RAB11FIP3: variants seen among roughly 807,000 people sequenced by gnomAD.
The protein encoded by RAB11FIP3 is RAB11 family interacting protein 3, also known as rab11 family-interacting protein 3.
A neutral mutation model predicts 77.8 loss-of-function variants in RAB11FIP3; 17 were observed. The observed-to-expected ratio is 0.22, with a 90% CI of 0.15 to 0.33. The LOEUF (loss-of-function observed/expected upper bound fraction) is 0.33, where lower values mean the gene tolerates loss of function less well. RAB11FIP3 is among the 10% of genes least tolerant of loss of function. RAB11FIP3 has a pLI of 1.00. For missense variants in RAB11FIP3, 1,005 were observed against 1,011.2 expected (o/e 0.99, Z 0.08); for synonymous variants, 437 against 448.2 (o/e 0.98, Z 0.31).
chr16:497,205 G>C (rs1244587788), intron 6 of RAB11FIP3: 1 of 1,188,930 alleles, frequency 8.4e-7, no homozygotes, highest in Non-Finnish European at 1.1e-6. Flanking sequence ...GCTTCTCAGA[G>C]CCGGGTCTGG....
chr16:461,214 C>T lies in RAB11FIP3; in HGVS notation c.715-190C>T, dbSNP rs1478230008. 6.6e-6 allele frequency among the ~76,000 whole-genome samples: 1 copy of T among 152,164 alleles called. No individual in the cohort carries two copies. The highest frequency in any genetic ancestry group is 2.4e-5 in the African/African-American group (1 of 41,442). ...GGAGCACACAGTAGGCTTTGCGCTC[C>T]TGTGAGAAGAACCTGATGCTCCTGC... On this transcript the variant is annotated intron_variant, in intron 1 of 13. Transcript: ENST00000262305. This position sits in a 1 kb window ranked among gnomAD's most constrained non-coding sequence, Gnocchi z 4.5.
At chr16:444,235 C>T (rs906896689) in intron 1 of RAB11FIP3, among the ~76,000 whole-genome samples, 6 of 152,102 alleles carry the variant, frequency 3.9e-5, no homozygotes, top group Non-Finnish European at 7.3e-5. Flanking sequence ...CATCAGTCTG[C>T]GTCATTCAGT....
In RAB11FIP3 at chr16:520,476, G is replaced by A. The variant is rs1290959507; in HGVS notation, c.2034G>A (p.Lys678=). The part of the protein sequence containing the change: ...RRLKQDNRNL[K]EQNEELNGQI... ...GCCTTCAGGACAACCGCAACCTGAAGGAGCAGAACGAGGAGCTGAACGGGC... is the reference window on the plus strand; with the variant it reads ...GCCTTCAGGACAACCGCAACCTGAAAGAGCAGAACGAGGAGCTGAACGGGC... Residue 678 remains lysine (K), a synonymous_variant, in exon 13 of 14, where the codon AAG becomes AAA. Coordinates refer to ENST00000262305, the MANE Select transcript of RAB11FIP3 (RefSeq NM_014700.4). 3.1e-6 allele frequency: 5 copies of A among 1,613,492 alleles called. No homozygotes were observed. Among genetic ancestry groups the A allele is most frequent in the Non-Finnish European group, 4.2e-6 (5 of 1,180,032 alleles).
intron 1 of RAB11FIP3, among the ~76,000 whole-genome samples, chr16:453,138 G>A (rs1040439965): frequency 1.3e-4 from 20 of 149,846 alleles, no homozygotes; most frequent in Non-Finnish European, 2.4e-4. Flanking sequence ...TGCAGTGAGC[G>A]ATCTTGGCTC....
Position 496,845 on chromosome 16 carries a change from C to G in RAB11FIP3, c.1287C>G (p.Ser429Arg). 6.3e-7 allele frequency: 1 copy of G among 1,595,606 alleles called. No individual in the cohort carries two copies. Among genetic ancestry groups the G allele is most frequent in the South Asian group, 1.1e-5 (1 of 90,676 alleles). The change falls in exon 6 of 14, where the codon AGC (serine) becomes AGG (arginine). Residue 429 changes from serine (S) to arginine (R), a missense_variant. This residue lies in a region of RAB11FIP3 where 433 missense variants were observed against 436.1 expected (regional missense o/e 0.99). Coordinates refer to ENST00000262305, the MANE Select transcript of RAB11FIP3 (RefSeq NM_014700.4). ...LTPSPTKRLS[S>R]KKVARYLHQS... ...ACAGTCCGACAAAGCGGCTCTCCAG[C>G]AAGAAGGTGGCAAGGTAGGTGGGTC...
intron 1 of RAB11FIP3, among the ~76,000 whole-genome samples, chr16:434,196 A>G (rs2055089003): frequency 6.6e-6 from 1 of 152,236 alleles, no homozygotes; most frequent in Non-Finnish European, 1.5e-5. Context: ...ATTTTAGGTC[A>G]CTGCAACCTT....
intron 9 of RAB11FIP3, among the ~76,000 whole-genome samples, chr16:511,696 G>A (rs1470498654): frequency 2.9e-5 from 2 of 69,596 alleles, no homozygotes; most frequent in Admixed American, 1.7e-4. Flanking sequence ...CCGACAGCCC[G>A]CCCACCCCAG....
rs529719398 is a variant in RAB11FIP3 at position 483,750 on chromosome 16, T to A, written c.1115+1014T>A. ...TGCTGCCTGCTGCCTGGAGGCCTCA[T>A]CTGCTTGATAAAGCCTTGGTCTCCA... On this transcript the variant is annotated intron_variant, in intron 4 of 13. Transcript: ENST00000262305. Among the ~76,000 whole-genome samples, 60 of 152,098 alleles carry A rather than the reference T, an allele frequency of 3.9e-4. 1 individual carries two copies. The highest frequency in any genetic ancestry group is 1.3e-3 in the African/African-American group (55 of 41,502).
chr16:434,520 A>G (rs892695985), intron 1 of RAB11FIP3, among the ~76,000 whole-genome samples: 1 of 152,120 alleles, frequency 6.6e-6, no homozygotes, highest in African/African-American at 2.4e-5. Context: ...TTGACCTCCC[A>G]GGCTCAGGTG....
chr16:517,626 G>A (rs538590833), intron 9 of RAB11FIP3, among the ~76,000 whole-genome samples: 16 of 152,274 alleles, frequency 1.1e-4, no homozygotes, highest in African/African-American at 3.1e-4. Context: ...GGCACGCATG[G>A]GAAAGCCACA....
chr16:485,279 TC>T (rs1307661256), intron 4 of RAB11FIP3, among the ~76,000 whole-genome samples: 7 of 152,096 alleles, frequency 4.6e-5, no homozygotes, highest in Non-Finnish European at 1.0e-4. Flanking sequence ...CTGCCCCTGG[TC>T]TGTTGGGTCC....
intron 9 of RAB11FIP3, among the ~76,000 whole-genome samples, chr16:516,033 G>A (rs974841681): frequency 6.6e-6 from 1 of 152,204 alleles, no homozygotes; most frequent in African/African-American, 2.4e-5. Context: ...TCCTGGGAGC[G>A]TGCCTGTCCC....
In RAB11FIP3 at chr16:462,918, T is replaced by C. The variant is rs138728228; in HGVS notation, c.808+1421T>C. Among the ~76,000 whole-genome samples, 814 of 151,192 alleles carry C rather than the reference T, an allele frequency of 5.4e-3. 8 individuals are homozygous for C. Among genetic ancestry groups the C allele is most frequent in the African/African-American group, 0.019 (773 of 41,038 alleles). On this transcript the variant is annotated intron_variant, in intron 2 of 13. Coordinates refer to ENST00000262305, the MANE Select transcript of RAB11FIP3 (RefSeq NM_014700.4). ...AATGTCTTCCCCAGCACCATCCCTT[T>C]CCCAGCACGATCCGTTGCGTGCTTG... is the stretch of plus-strand genomic sequence containing the variant.
At chr16:519,612 C>A in intron 10 of RAB11FIP3, 142 bp from the exon 11 acceptor site, 1 of 1,126,090 alleles carries the variant, frequency 8.9e-7, no homozygotes, top group Non-Finnish European at 1.3e-6. Context: ...AAGGCTCAGA[C>A]CCAGCCCTGT....
intron 1 of RAB11FIP3, among the ~76,000 whole-genome samples, chr16:438,520 C>T (rs2055170005): frequency 1.3e-5 from 2 of 151,244 alleles, no homozygotes; most frequent in Middle Eastern, 6.8e-3. Flanking sequence ...ATTCTCCTGC[C>T]TCAGCCTCAC....
chr16:468,439 A>C (rs911612918), intron 2 of RAB11FIP3, among the ~76,000 whole-genome samples: 3 of 152,018 alleles, frequency 2.0e-5, no homozygotes, highest in African/African-American at 7.3e-5. Flanking sequence ...TGAAACTAGA[A>C]TAAAACGAAG....
At chr16:478,880 C>T (rs903554405) in intron 3 of RAB11FIP3, among the ~76,000 whole-genome samples, 1 of 152,144 alleles carries the variant, frequency 6.6e-6, no homozygotes, top group Non-Finnish European at 1.5e-5. Context: ...ACACAAGAAT[C>T]ACTTGAATCC....
intron 9 of RAB11FIP3, among the ~76,000 whole-genome samples, chr16:515,305 C>CT (rs1269785629): frequency 2.0e-5 from 3 of 152,246 alleles, no homozygotes; most frequent in Non-Finnish European, 4.4e-5. Flanking sequence ...GTAGAGCCGT[C>CT]TGGACTCCAG....
At chr16:491,895 C>T (rs148419353) in intron 5 of RAB11FIP3, among the ~76,000 whole-genome samples, 4 of 152,350 alleles carry the variant, frequency 2.6e-5, no homozygotes, top group South Asian at 2.1e-4. Flanking sequence ...GAGCTTTCCA[C>T]AGCAGCCCTA....
Sources: gnomAD v4.1 joint callset for allele counts (sites outside exome capture counted in the v4.1 genomes callset) on GRCh38, gnomAD v4.1.1 for gene constraint, gnomAD v4.1.1 regional missense constraint, Gnocchi (gnomAD v3.1) non-coding constraint, MANE v1.5 for transcripts, NCBI Gene and HGNC (gene_info 2026-07-23, HGNC 2026-07-21) for gene names.